Variants in ADAMTSL1 observed in about 807,000 individuals in gnomAD.
ADAMTSL1 encodes the protein ADAMTS like 1, also known as ADAMTS-like protein 1.
Under a neutral mutation model 201.8 loss-of-function variants are expected in ADAMTSL1, and 126 were observed. The ratio of observed to expected loss-of-function variants is 0.62; its 90% CI spans 0.54 to 0.72. The LOEUF (loss-of-function observed/expected upper bound fraction) is 0.72. ADAMTSL1 is among the 30% of genes least tolerant of loss of function. The pLI is 0.00. For missense variants in ADAMTSL1, 2,679 were observed against 2,277.8 expected (o/e 1.18, Z -3.59); for synonymous variants, 1,121 against 903.4 (o/e 1.24, Z -4.32).
At chr9:18,538,453 G>A (rs933542852) in intron 3 of ADAMTSL1, among the ~76,000 whole-genome samples, 10 of 151,864 alleles carry the variant, frequency 6.6e-5, no homozygotes, top group African/African-American at 1.5e-4. Flanking sequence ...CAAAGGTCCC[G>A]TCCACCTCTG....
chr9:18,217,852 TG>T (rs960703512), intron 2 of ADAMTSL1, among the ~76,000 whole-genome samples: 1 of 151,914 alleles, frequency 6.6e-6, no homozygotes. Context: ...AGAGGAAAGT[TG>T]TTTTTTTTTT....
chr9:18,600,832 A>T (rs1464221438), intron 4 of ADAMTSL1, among the ~76,000 whole-genome samples: 1 of 152,210 alleles, frequency 6.6e-6, no homozygotes, highest in East Asian at 1.9e-4. Context: ...CTTAGCCTGT[A>T]CCTATGGTTG....
chr9:17,925,856 T>TAAA (rs59321084), intron 1 of ADAMTSL1, among the ~76,000 whole-genome samples: 98 of 148,078 alleles, frequency 6.6e-4, no homozygotes, highest in East Asian at 2.0e-3. Flanking sequence ...AAAGTATAAT[T>TAAA]AAAAAAAAAA....
intron 4 of ADAMTSL1, among the ~76,000 whole-genome samples, chr9:18,580,176 T>G (rs1008919519): frequency 2.0e-5 from 3 of 152,190 alleles, no homozygotes; most frequent in African/African-American, 7.2e-5. Flanking sequence ...AAGTAATGCC[T>G]TATATAATAT....
chr9:18,693,946 T>A (rs138877817), intron 13 of ADAMTSL1, among the ~76,000 whole-genome samples: 258 of 151,750 alleles, frequency 1.7e-3, no homozygotes, highest in African/African-American at 6.1e-3. Flanking sequence ...GTAAAAGAGG[T>A]TTCATTGACT....
At chr9:18,093,115 G>T (rs1206239770) in intron 1 of ADAMTSL1, among the ~76,000 whole-genome samples, 1 of 152,112 alleles carries the variant, frequency 6.6e-6, no homozygotes, top group African/African-American at 2.4e-5. Flanking sequence ...ATAGGTAGCA[G>T]CCGACAAGTA....
rs1026478603 is a variant in ADAMTSL1 at position 18,718,153 on chromosome 9, C to T, written c.1877-3383C>T. The T allele has an allele frequency of 1.0e-4, 87 of 838,758 alleles. 2 individuals carry two copies. In the South Asian group the frequency reaches 1.1e-3, roughly 11 times the overall value. The allele number at this position is 838,758 out of a possible 1,614,324, so 52.0% of individuals were successfully genotyped here. On this transcript the variant is annotated intron_variant, in intron 14 of 28. Coordinates refer to ENST00000380548, the MANE Select transcript of ADAMTSL1 (RefSeq NM_001040272.6). ...GATTTTTGACCTTCTTCCTTCCCTA[C>T]AGCTCTTTCATCTTCCAAGTCATAC...
intron 2 of ADAMTSL1, among the ~76,000 whole-genome samples, chr9:18,301,878 A>C (rs1260395502): frequency 6.6e-6 from 1 of 152,224 alleles, no homozygotes; most frequent in Non-Finnish European, 1.5e-5. Flanking sequence ...TTGTGTGTGT[A>C]CATTATTTTG....
intron 1 of ADAMTSL1, among the ~76,000 whole-genome samples, chr9:18,030,111 G>A (rs1167978774): frequency 7.9e-5 from 12 of 152,208 alleles, no homozygotes; most frequent in East Asian, 1.9e-4. Flanking sequence ...TGTTTATTGC[G>A]GCATTTTTCA....
intron 2 of ADAMTSL1, among the ~76,000 whole-genome samples, chr9:18,292,875 T>A (rs982928978): frequency 6.6e-6 from 1 of 152,204 alleles, no homozygotes; most frequent in Non-Finnish European, 1.5e-5. Context: ...TGGGATTACC[T>A]TGTGATCATG....
intron 1 of ADAMTSL1, among the ~76,000 whole-genome samples, chr9:18,074,766 T>C (rs1252735607): frequency 6.6e-6 from 1 of 151,882 alleles, no homozygotes; most frequent in Admixed American, 6.6e-5. Context: ...AATTTTTGTA[T>C]TTTTAGTAGA....
At chr9:18,299,755 C>T (rs1243880375) in intron 2 of ADAMTSL1, among the ~76,000 whole-genome samples, 1 of 152,170 alleles carries the variant, frequency 6.6e-6, no homozygotes, top group Non-Finnish European at 1.5e-5. Flanking sequence ...GGCCTGTGGA[C>T]CACAGCTAGG....
chr9:18,703,693 C>T (rs891832659), intron 13 of ADAMTSL1, among the ~76,000 whole-genome samples: 18 of 50,472 alleles, frequency 3.6e-4, no homozygotes, highest in East Asian at 1.6e-3. Flanking sequence ...CACGTGCATG[C>T]GCACATACAT....
chr9:18,040,759 T>C lies in ADAMTSL1; in HGVS notation c.88-123103T>C, dbSNP rs151127701. Among the ~76,000 whole-genome samples, 1,237 of 151,752 alleles carry C rather than the reference T, an allele frequency of 8.2e-3. 17 individuals are homozygous for C. The highest frequency in any genetic ancestry group is 0.029 in the African/African-American group (1,180 of 41,398). ...TTTATCTTTCTTTCTGGAAGCTAAGTGAAATGAAAAAAAAAATACTTTGGG... is the reference window on the plus strand; with the variant it reads ...TTTATCTTTCTTTCTGGAAGCTAAGCGAAATGAAAAAAAAAATACTTTGGG... On this transcript the variant is annotated intron_variant, in intron 1 of 29. Coordinates refer to the ADAMTSL1 transcript ENST00000680146.
chr9:18,411,447 C>T (rs1358081427), intron 2 of ADAMTSL1, among the ~76,000 whole-genome samples: 1 of 152,114 alleles, frequency 6.6e-6, no homozygotes. Flanking sequence ...GATCCACCCA[C>T]CTTGGCTTCC....
At chr9:17,972,857 T>C (rs1163760715) in intron 1 of ADAMTSL1, among the ~76,000 whole-genome samples, 1 of 143,688 alleles carries the variant, frequency 7.0e-6, no homozygotes, top group African/African-American at 2.6e-5. Context: ...ATCACCATTC[T>C]AACTGGTGTG....
At chr9:18,306,688 A>T (rs1432787034) in intron 2 of ADAMTSL1, among the ~76,000 whole-genome samples, 7 of 152,194 alleles carry the variant, frequency 4.6e-5, no homozygotes, top group African/African-American at 1.7e-4. Flanking sequence ...GAAATATGGG[A>T]CTATGTGAAA....
chr9:18,878,893 G>C lies in ADAMTSL1; in HGVS notation c.4250-8938G>C, dbSNP rs1588293075. Among the ~76,000 whole-genome samples the C allele has an allele frequency of 3.3e-5, 5 of 152,322 alleles. 1 individual carries two copies. The highest frequency in any genetic ancestry group is 3.3e-4 in the Admixed American group (5 of 15,308). On this transcript the variant is annotated intron_variant, in intron 23 of 28. Transcript: ENST00000380548. ...GAGCTGAGACTCAGAGCTCTGCAGG[G>C]AGTGGGAGGTGCCAGTTGCTGCTAG... is the stretch of plus-strand genomic sequence containing the variant.
At chr9:18,579,442 A>G (rs898883306) in intron 4 of ADAMTSL1, among the ~76,000 whole-genome samples, 46 of 151,414 alleles carry the variant, frequency 3.0e-4, no homozygotes, top group Non-Finnish European at 5.7e-4. Flanking sequence ...ACATGTATAC[A>G]TATGTAACTA....
Sources: gnomAD v4.1 joint callset for allele counts (sites outside exome capture counted in the v4.1 genomes callset) on GRCh38, gnomAD v4.1.1 for gene constraint, MANE v1.5 for transcripts, NCBI Gene and HGNC (gene_info 2026-07-23, HGNC 2026-07-21) for gene names.